LDLRAD3: variants seen among roughly 807,000 people sequenced by gnomAD.
The protein encoded by LDLRAD3 is low-density lipoprotein receptor class A domain-containing protein 3.
A neutral mutation model predicts 29.4 loss-of-function variants in LDLRAD3; 20 were observed. The observed-to-expected ratio is 0.68, with a 90% CI of 0.48 to 0.99. LDLRAD3 has a LOEUF of 0.99. Among genes scored for constraint, LDLRAD3 ranks in the 50% least tolerant of loss-of-function variants. LDLRAD3 has a pLI of 0.00. For synonymous variants in LDLRAD3, 157 were observed against 192.7 expected (o/e 0.81, Z 1.53); for missense variants, 420 against 454.3 (o/e 0.92, Z 0.69).
intron 2 of LDLRAD3, among the ~76,000 whole-genome samples, chr11:36,069,970 C>T (rs542477263): frequency 2.1e-4 from 32 of 152,256 alleles, no homozygotes; most frequent in Non-Finnish European, 3.5e-4. Flanking sequence ...CAGCTGAAAC[C>T]GACCTTCCCC....
In LDLRAD3 at chr11:36,230,382, C is replaced by T. The variant is rs1008704542; in HGVS notation, c.*985C>T. On this transcript the variant is annotated 3_prime_UTR_variant, in exon 6 of 6. Coordinates refer to ENST00000315571, the MANE Select transcript of LDLRAD3 (RefSeq NM_174902.4). Reference sequence around the variant, plus strand: ...ACTGGCCTCCAAAGTTCCCTTAACACTTGCAAAGTCCTTTTTACCTGTGCA... The same window carrying T: ...ACTGGCCTCCAAAGTTCCCTTAACATTTGCAAAGTCCTTTTTACCTGTGCA... The T allele has an allele frequency of 6.5e-6, 1 of 152,686 alleles. No homozygotes were observed. The highest frequency in any genetic ancestry group is 2.4e-5 in the African/African-American group (1 of 41,446). The allele number at this position is 152,686 out of a possible 1,614,324, so 9.5% of individuals were successfully genotyped here. A position where few individuals can be genotyped will look rare whatever the true frequency, so the allele number is the denominator to read the frequency against.
intron 4 of LDLRAD3, among the ~76,000 whole-genome samples, chr11:36,171,640 G>C (rs542610775): frequency 6.6e-6 from 1 of 152,170 alleles, no homozygotes; most frequent in Non-Finnish European, 1.5e-5. Flanking sequence ...GCAAGTATTT[G>C]GCTTCATTTC....
intron 1 of LDLRAD3, among the ~76,000 whole-genome samples, chr11:35,974,791 A>G (rs959034100): frequency 1.3e-5 from 2 of 152,220 alleles, no homozygotes; most frequent in African/African-American, 4.8e-5. Flanking sequence ...ATGGATTAGA[A>G]GGAAGTTGCA....
chr11:36,040,799 GA>G, intron 2 of LDLRAD3, among the ~76,000 whole-genome samples: 1 of 152,252 alleles, frequency 6.6e-6, no homozygotes, highest in South Asian at 2.1e-4. Context: ...GGCAACATGT[GA>G]AAACTATGAC....
intron 1 of LDLRAD3, among the ~76,000 whole-genome samples, chr11:36,024,113 G>GCTA (rs796216668): frequency 1.3e-4 from 20 of 152,134 alleles, no homozygotes; most frequent in African/African-American, 4.8e-4. Flanking sequence ...ATCTGACCAG[G>GCTA]CTACACCCAC....
intron 1 of LDLRAD3, among the ~76,000 whole-genome samples, chr11:36,021,372 A>G (rs1852092909): frequency 6.6e-6 from 1 of 152,170 alleles, no homozygotes; most frequent in Non-Finnish European, 1.5e-5. Flanking sequence ...AGAAGGAATG[A>G]TCAGAGAGCC....
intron 4 of LDLRAD3, among the ~76,000 whole-genome samples, chr11:36,201,500 T>G (rs1011103362): frequency 7.9e-5 from 12 of 152,248 alleles, no homozygotes; most frequent in Admixed American, 2.6e-4. Context: ...CAATTAAGTT[T>G]TGAAAGGACA....
chr11:36,029,472 C>T lies in LDLRAD3; in HGVS notation c.47-6631C>T, dbSNP rs370109300. On this transcript the variant is annotated intron_variant, in intron 1 of 5. Coordinates refer to ENST00000315571, the MANE Select transcript of LDLRAD3 (RefSeq NM_174902.4). ...AGCATCTTCCAGAGTTGCTGTCAGACCCCCAAACTGTGGACTTTGGATCTC... is the reference window on the plus strand; with the variant it reads ...AGCATCTTCCAGAGTTGCTGTCAGATCCCCAAACTGTGGACTTTGGATCTC... Among the ~76,000 whole-genome samples the T allele has an allele frequency of 1.2e-3, 179 of 152,174 alleles. 1 individual carries two copies. Among genetic ancestry groups the T allele is most frequent in the African/African-American group, 4.1e-3 (169 of 41,512 alleles).
intron 1 of LDLRAD3, among the ~76,000 whole-genome samples, chr11:35,959,840 G>T (rs1851254460): frequency 1.3e-5 from 2 of 152,152 alleles, no homozygotes; most frequent in Admixed American, 6.5e-5. Context: ...GCTGAGGCAT[G>T]AGAATTGCTT....
intron 1 of LDLRAD3, among the ~76,000 whole-genome samples, chr11:36,017,383 T>G (rs1852036621): frequency 6.6e-6 from 1 of 152,158 alleles, no homozygotes. Context: ...ACAAGCAAAA[T>G]AGCTCTCAAG....
At chr11:35,990,132 G>A (rs969363803) in intron 1 of LDLRAD3, among the ~76,000 whole-genome samples, 3 of 152,106 alleles carry the variant, frequency 2.0e-5, no homozygotes, top group Non-Finnish European at 4.4e-5. Context: ...ATGGGGGGTG[G>A]TTTGAAAATG....
At chr11:36,135,467 TC>T (rs1396219532) in intron 4 of LDLRAD3, among the ~76,000 whole-genome samples, 3 of 152,212 alleles carry the variant, frequency 2.0e-5, no homozygotes, top group African/African-American at 7.2e-5. Context: ...CTTCTCATTA[TC>T]CTGAGTGTTT....
intron 2 of LDLRAD3, among the ~76,000 whole-genome samples, chr11:36,062,734 C>T (rs756750687): frequency 4.6e-5 from 7 of 152,154 alleles, no homozygotes; most frequent in South Asian, 4.1e-4. Context: ...TGGCACTTCT[C>T]GCTGCCGCCA....
chr11:36,104,005 A>G lies in LDLRAD3; in HGVS notation c.454+5544A>G, dbSNP rs189825033. 3.9e-5 allele frequency among the ~76,000 whole-genome samples: 6 copies of G among 152,304 alleles called. No homozygotes were observed. In the East Asian group the frequency reaches 9.7e-4, roughly 25 times the overall value. ...AATCATTATGGTAAGACATGAGTGT[A>G]TGGATTGTGACTCGCTTTTAACAAA... On this transcript the variant is annotated intron_variant, in intron 4 of 5. Transcript: ENST00000315571.
At chr11:36,108,215 G>A (rs531310686) in intron 4 of LDLRAD3, among the ~76,000 whole-genome samples, 1 of 150,386 alleles carries the variant, frequency 6.6e-6, no homozygotes, top group Admixed American at 6.7e-5. Context: ...AGCTACTCTG[G>A]AGGCTGAGGC....
chr11:36,227,829 C>T (rs1314162390), intron 5 of LDLRAD3, among the ~76,000 whole-genome samples: 2 of 152,200 alleles, frequency 1.3e-5, no homozygotes, highest in Admixed American at 1.3e-4. Flanking sequence ...CAGACTAGCT[C>T]TGAGCCTCAC....
chr11:36,198,355 C>A (rs1446129962), intron 4 of LDLRAD3, among the ~76,000 whole-genome samples: 1 of 148,652 alleles, frequency 6.7e-6, no homozygotes, highest in Admixed American at 6.7e-5. Flanking sequence ...TCTACACCTT[C>A]TTTATGAATG....
intron 4 of LDLRAD3, among the ~76,000 whole-genome samples, chr11:36,181,727 C>T (rs1009907464): frequency 6.6e-6 from 1 of 152,208 alleles, no homozygotes; most frequent in African/African-American, 2.4e-5. Context: ...CTTTCCTTCT[C>T]TCCTGAGAAG....
intron 4 of LDLRAD3, among the ~76,000 whole-genome samples, chr11:36,149,523 G>T (rs1331279565): frequency 6.6e-6 from 1 of 152,208 alleles, no homozygotes; most frequent in Non-Finnish European, 1.5e-5. Context: ...CGCTGTCCCT[G>T]CACAGCAGTG....
Sources: allele counts gnomAD v4.1 joint callset (sites outside exome capture counted in the v4.1 genomes callset), GRCh38; gene constraint gnomAD v4.1.1; transcripts MANE v1.5; gene names NCBI Gene and HGNC (gene_info 2026-07-23, HGNC 2026-07-21).